DAB1: variants seen among roughly 807,000 people sequenced by gnomAD.
The protein encoded by DAB1 is DAB adaptor protein 1.
Under a neutral mutation model 64.6 loss-of-function variants are expected in DAB1, and 15 were observed. The observed-to-expected ratio is 0.23, with a 90% CI of 0.16 to 0.36. The LOEUF (loss-of-function observed/expected upper bound fraction) is 0.36, where lower values mean the gene tolerates loss of function less well. Ranked by LOEUF, DAB1 falls within the 10% of genes least tolerant of loss-of-function variation. The pLI, the probability that DAB1 is intolerant of heterozygous loss-of-function variation, is 1.00. For synonymous variants in DAB1, 235 were observed against 251.9 expected, an observed-to-expected ratio of 0.93 and a Z score of 0.64; for missense variants, 596 against 706.7, an observed-to-expected ratio of 0.84 and a Z score of 1.78.
At chr1:58,368,178 T>G (rs1644233038) in intron 3 of DAB1, among the ~76,000 whole-genome samples, 3 of 152,208 alleles carry the variant, frequency 2.0e-5, no homozygotes, top group Admixed American at 2.0e-4. Flanking sequence ...CAGGGGTAAT[T>G]GATTATGATT....
intron 5 of DAB1, among the ~76,000 whole-genome samples, chr1:58,122,610 T>C (rs1311098357): frequency 6.8e-6 from 1 of 148,004 alleles, no homozygotes; most frequent in Non-Finnish European, 1.5e-5. Context: ...AAAAAAAAAA[T>C]GCATTTTCAC....
intron 5 of DAB1, among the ~76,000 whole-genome samples, chr1:58,017,486 C>T (rs1476295807): frequency 6.6e-6 from 1 of 152,184 alleles, no homozygotes; most frequent in East Asian, 1.9e-4. Context: ...AGCTGAAATG[C>T]TCCAGCTGCC....
chr1:58,454,051 G>A (rs766646577), intron 3 of DAB1, among the ~76,000 whole-genome samples: 8 of 152,032 alleles, frequency 5.3e-5, no homozygotes, highest in Non-Finnish European at 5.9e-5. Context: ...TTAAGTTTTC[G>A]ATACCAAATC....
intron 9 of DAB1, among the ~76,000 whole-genome samples, chr1:57,026,927 A>T (rs1004997510): frequency 4.6e-5 from 7 of 152,354 alleles, no homozygotes; most frequent in African/African-American, 1.7e-4. Context: ...TATGACAAGT[A>T]TGTAATCACA....
At position 57,003,845 on chromosome 1, in the gene DAB1, A is replaced by G. The variant is rs1164418078; in HGVS notation, c.*16-5717T>C. Among the ~76,000 whole-genome samples the G allele has an allele frequency of 2.0e-5, 3 of 152,322 alleles. No individual in the cohort carries two copies. The East Asian group carries it at 5.8e-4, about 29-fold the overall frequency. ...GTACAGTTTAATGAACTTGACAAAT[A>G]TATACACCCATGTCAGCTATAGAGC... On this transcript the variant is annotated intron_variant, in intron 14 of 14. Coordinates refer to ENST00000371236, the MANE Select transcript of DAB1 (RefSeq NM_001365792.1).
At chr1:57,301,130 C>T (rs79857630) in intron 1 of DAB1, among the ~76,000 whole-genome samples, 1 of 152,220 alleles carries the variant, frequency 6.6e-6, no homozygotes, top group South Asian at 2.1e-4. Context: ...ATACCCAACT[C>T]TTTCAGAACA....
At chr1:58,212,585 G>T (rs556829575) in intron 4 of DAB1, among the ~76,000 whole-genome samples, 1 of 152,274 alleles carries the variant, frequency 6.6e-6, no homozygotes, top group East Asian at 1.9e-4. Flanking sequence ...CATATTCAGT[G>T]TTATGGAAAT....
intron 3 of DAB1, among the ~76,000 whole-genome samples, chr1:58,397,515 T>A (rs950072770): frequency 7.3e-6 from 1 of 137,898 alleles, no homozygotes; most frequent in Non-Finnish European, 1.7e-5. Context: ...CTCCACTTCA[T>A]GACTCCTGAA....
intron 4 of DAB1, among the ~76,000 whole-genome samples, chr1:58,277,387 G>A (rs1456081560): frequency 1.3e-5 from 2 of 152,024 alleles, no homozygotes; most frequent in African/African-American, 2.4e-5. Context: ...GCTTTCTCTG[G>A]GGCAGAGTCA....
intron 4 of DAB1, among the ~76,000 whole-genome samples, chr1:57,136,300 T>A (rs775671006): frequency 1.3e-5 from 2 of 152,170 alleles, no homozygotes; most frequent in Non-Finnish European, 2.9e-5. Context: ...CAATCTCCCA[T>A]CAGATTACCA....
intron 3 of DAB1, among the ~76,000 whole-genome samples, chr1:58,485,707 T>C (rs1645565792): frequency 6.6e-6 from 1 of 152,122 alleles, no homozygotes; most frequent in Non-Finnish European, 1.5e-5. Context: ...TCTTCATCTC[T>C]TCAAAAGTGA....
chr1:57,921,002 A>G (rs1481323253), intron 5 of DAB1, among the ~76,000 whole-genome samples: 2 of 152,216 alleles, frequency 1.3e-5, no homozygotes, highest in Non-Finnish European at 2.9e-5. Flanking sequence ...AGATATTTTC[A>G]TTACCACATC....
upstream of DAB1, among the ~76,000 whole-genome samples, chr1:57,886,997 T>G (rs894784204): frequency 6.6e-6 from 1 of 152,138 alleles, no homozygotes; most frequent in Non-Finnish European, 1.5e-5. Flanking sequence ...TCAATAGGTG[T>G]TCATCACTAC....
intron 7 of DAB1, among the ~76,000 whole-genome samples, chr1:57,603,092 C>G (rs971374922): frequency 6.6e-6 from 1 of 152,154 alleles, no homozygotes; most frequent in East Asian, 1.9e-4. Flanking sequence ...CCTGCCTCAG[C>G]CTACGGGGCA....
At chr1:57,528,661 C>CACACACAT (rs1558464238) in intron 7 of DAB1, among the ~76,000 whole-genome samples, 9 of 150,048 alleles carry the variant, frequency 6.0e-5, no homozygotes, top group South Asian at 2.1e-4. Flanking sequence ...CACACACACA[C>CACACACAT]ACACACACAC....
At chr1:57,088,417 G>A (rs1653312450) in intron 4 of DAB1, among the ~76,000 whole-genome samples, 1 of 152,202 alleles carries the variant, frequency 6.6e-6, no homozygotes, top group African/African-American at 2.4e-5. Context: ...TCCCTAGGAT[G>A]GCCCTAGTCT....
intron 4 of DAB1, among the ~76,000 whole-genome samples, chr1:58,341,686 T>C (rs1005238900): frequency 2.0e-5 from 3 of 152,178 alleles, no homozygotes; most frequent in Non-Finnish European, 4.4e-5. Context: ...ACTATGATTT[T>C]AGCAGCTTCT....
intron 1 of DAB1, among the ~76,000 whole-genome samples, chr1:57,845,040 C>T (rs1301891558): frequency 1.3e-5 from 2 of 152,166 alleles, no homozygotes; most frequent in Non-Finnish European, 2.9e-5. Flanking sequence ...GAGATTAATT[C>T]TGCTTCCTGA....
chr1:57,365,694 C>T (rs1335024394), intron 1 of DAB1, among the ~76,000 whole-genome samples: 1 of 152,102 alleles, frequency 6.6e-6, no homozygotes, highest in African/African-American at 2.4e-5. Flanking sequence ...GTACTATCCA[C>T]TCTACCAGGC....
Sources: gnomAD v4.1 joint callset for allele counts (sites outside exome capture counted in the v4.1 genomes callset) on GRCh38, gnomAD v4.1.1 for gene constraint, MANE v1.5 for transcripts, NCBI Gene and HGNC (gene_info 2026-07-23, HGNC 2026-07-21) for gene names.